Variants in SPOCK1 observed in about 807,000 individuals in gnomAD.
SPOCK1 encodes the protein SPARC (osteonectin), cwcv and kazal like domains proteoglycan 1, also known as testican-1.
SPOCK1 carries 23 observed loss-of-function variants against 55.3 expected under a neutral mutation model. That is an observed-to-expected ratio of 0.42 (90% CI 0.30 to 0.59). The LOEUF is 0.59. Ranked by LOEUF, SPOCK1 falls within the 20% of genes least tolerant of loss-of-function variation. SPOCK1 has a pLI of 0.22. For missense variants in SPOCK1, 499 were observed against 552.5 expected (o/e 0.90, Z 0.97); for synonymous variants, 226 against 221.0 (o/e 1.02, Z -0.20).
At chr5:137,318,511 A>G (rs888945550) in intron 2 of SPOCK1, among the ~76,000 whole-genome samples, 1 of 152,128 alleles carries the variant, frequency 6.6e-6, no homozygotes, top group Non-Finnish European at 1.5e-5. Flanking sequence ...CCCTCTCAGT[A>G]CCTTGAGAAG....
intron 2 of SPOCK1, among the ~76,000 whole-genome samples, chr5:137,301,746 C>T (rs568436468): frequency 1.4e-5 from 2 of 147,524 alleles, no homozygotes; most frequent in African/African-American, 5.0e-5. Context: ...CAAGGTGATT[C>T]CATGCCTTAC....
chr5:137,425,916 C>G (rs930635254), intron 2 of SPOCK1, among the ~76,000 whole-genome samples: 11 of 151,792 alleles, frequency 7.2e-5, no homozygotes, highest in Non-Finnish European at 1.6e-4. Context: ...CCTCAAACCC[C>G]CTTTGGGGTA....
intron 3 of SPOCK1, among the ~76,000 whole-genome samples, chr5:137,207,964 G>A (rs1487947028): frequency 6.6e-6 from 1 of 152,050 alleles, no homozygotes; most frequent in African/African-American, 2.4e-5. Flanking sequence ...CTCCCTGGAA[G>A]GCATTTTAAA....
At chr5:137,307,864 A>G (rs1279508489) in intron 2 of SPOCK1, among the ~76,000 whole-genome samples, 2 of 152,182 alleles carry the variant, frequency 1.3e-5, no homozygotes, top group Admixed American at 1.3e-4. Context: ...AAGTGTCATG[A>G]CCTTGCATAG....
intron 2 of SPOCK1, among the ~76,000 whole-genome samples, chr5:137,321,779 C>A (rs763288816): frequency 1.3e-5 from 2 of 151,352 alleles, no homozygotes; most frequent in Non-Finnish European, 2.9e-5. Flanking sequence ...TCAGGAGGGT[C>A]AGGCAGGAGA....
chr5:137,251,491 G>C (rs1198671021), intron 3 of SPOCK1, among the ~76,000 whole-genome samples: 1 of 152,224 alleles, frequency 6.6e-6, no homozygotes, highest in Admixed American at 6.5e-5. Context: ...CCTGTGTGAA[G>C]TGAGAAAGCC....
At chr5:137,070,450 C>T (rs528466466) in intron 5 of SPOCK1, among the ~76,000 whole-genome samples, 1 of 152,288 alleles carries the variant, frequency 6.6e-6, no homozygotes, top group Admixed American at 6.5e-5. Context: ...ATATGACATA[C>T]ACAGAGCCCT....
intron 3 of SPOCK1, among the ~76,000 whole-genome samples, chr5:137,183,965 C>A (rs1755018672): frequency 6.6e-6 from 1 of 152,200 alleles, no homozygotes; most frequent in Non-Finnish European, 1.5e-5. Flanking sequence ...GCATAGGAGA[C>A]AATCCAGCCA....
intron 6 of SPOCK1, among the ~76,000 whole-genome samples, chr5:137,012,390 T>C (rs894830252): frequency 6.6e-6 from 1 of 152,186 alleles, no homozygotes; most frequent in Admixed American, 6.5e-5. Context: ...TATGTTGGTC[T>C]CTGGTACATA....
At chr5:137,282,981 G>A (rs978774743) in intron 2 of SPOCK1, among the ~76,000 whole-genome samples, 1 of 152,202 alleles carries the variant, frequency 6.6e-6, no homozygotes, top group Non-Finnish European at 1.5e-5. Flanking sequence ...CAGAACTTGT[G>A]GAGAAGCCAC....
intron 2 of SPOCK1, among the ~76,000 whole-genome samples, chr5:137,449,872 G>A (rs1753212657): frequency 2.6e-5 from 2 of 75,538 alleles, no homozygotes; most frequent in South Asian, 1.0e-3. Context: ...GGGCAACAAA[G>A]TGAGATGCTG....
intron 6 of SPOCK1, among the ~76,000 whole-genome samples, chr5:137,019,570 G>A (rs886525042): frequency 6.6e-6 from 1 of 151,966 alleles, no homozygotes; most frequent in African/African-American, 2.4e-5. Flanking sequence ...TAAACAATGC[G>A]GTAAACATCA....
chr5:137,404,136 A>G (rs1470089697), intron 2 of SPOCK1, among the ~76,000 whole-genome samples: 4 of 152,190 alleles, frequency 2.6e-5, no homozygotes, highest in African/African-American at 7.2e-5. Context: ...TCCTGGAGTC[A>G]CCAACTCAAA....
At position 137,267,002 on chromosome 5, in the gene SPOCK1, T is replaced by C; in HGVS notation, c.232+8A>G. On this transcript the variant is annotated splice_region_variant and intron_variant, in intron 3 of 10. Coordinates refer to ENST00000394945, the MANE Select transcript of SPOCK1 (RefSeq NM_004598.4). Reference sequence around the variant, plus strand: ...AGACTATACAGCAAGAAATATTGCATCCATTACCTTGGTCAAAGGGCTTGT... The same window carrying C: ...AGACTATACAGCAAGAAATATTGCACCCATTACCTTGGTCAAAGGGCTTGT... The C allele has an allele frequency of 6.2e-7, 1 of 1,610,714 alleles. No individual in the cohort carries two copies. Among genetic ancestry groups the C allele is most frequent in the Non-Finnish European group, 8.5e-7 (1 of 1,177,046 alleles).
intron 2 of SPOCK1, among the ~76,000 whole-genome samples, chr5:137,492,336 T>C (rs1046700963): frequency 6.6e-6 from 1 of 152,286 alleles, no homozygotes; most frequent in East Asian, 1.9e-4. Flanking sequence ...ACATGAAAAC[T>C]ATGATGATGC....
chr5:137,323,712 A>G (rs896450839), intron 2 of SPOCK1, among the ~76,000 whole-genome samples: 17 of 152,228 alleles, frequency 1.1e-4, no homozygotes, highest in Admixed American at 8.5e-4. Flanking sequence ...AATGGCCAAC[A>G]TGTATGGGAA....
At chr5:137,480,295 G>A (rs1337169612) in intron 2 of SPOCK1, among the ~76,000 whole-genome samples, 1 of 133,496 alleles carries the variant, frequency 7.5e-6, no homozygotes, top group Non-Finnish European at 1.6e-5. Flanking sequence ...TGTTCACGTT[G>A]CTCTCCTTCA....
intron 3 of SPOCK1, among the ~76,000 whole-genome samples, chr5:137,146,791 C>T (rs1263246428): frequency 6.6e-6 from 1 of 152,166 alleles, no homozygotes; most frequent in African/African-American, 2.4e-5. Flanking sequence ...TCTTTCCTTT[C>T]ATATTCAAGG....
rs149645378 is a variant in SPOCK1, at chr5:137,274,389, T to C, written c.187-7334A>G. Among the ~76,000 whole-genome samples the C allele has an allele frequency of 1.1e-3, 170 of 152,340 alleles. 3 individuals carry two copies. The Middle Eastern group carries it at 0.014, about 12-fold the overall frequency. On this transcript the variant is annotated intron_variant, in intron 2 of 10. Transcript: ENST00000394945. Reference sequence around the variant, plus strand: ...AATTCTGGCTCTAGCACTCACCAGCTATGTGGCCTTGCACAATCTACTCAG... The same window carrying C: ...AATTCTGGCTCTAGCACTCACCAGCCATGTGGCCTTGCACAATCTACTCAG...
Sources: gnomAD v4.1 joint callset for allele counts (sites outside exome capture counted in the v4.1 genomes callset) on GRCh38, gnomAD v4.1.1 for gene constraint, MANE v1.5 for transcripts, NCBI Gene and HGNC (gene_info 2026-07-23, HGNC 2026-07-21) for gene names.